Variants in GLYR1 observed in about 807,000 individuals in gnomAD.
GLYR1 encodes glyoxylate reductase 1 homolog.
A neutral mutation model predicts 72.7 loss-of-function variants in GLYR1; 21 were observed. That is an observed-to-expected ratio of 0.29 (90% CI 0.20 to 0.42). The LOEUF is 0.42. Among genes scored for constraint, GLYR1 ranks in the 10% least tolerant of loss-of-function variants. GLYR1 has a pLI of 1.00. For missense variants in GLYR1, 594 were observed against 712.1 expected, an observed-to-expected ratio of 0.83 and a Z score of 1.89; for synonymous variants, 392 against 270.2, an observed-to-expected ratio of 1.45 and a Z score of -4.42.
At chr16:4,826,097 G>C (rs1277320114) in intron 5 of GLYR1, among the ~76,000 whole-genome samples, 1 of 151,490 alleles carries the variant, frequency 6.6e-6, no homozygotes. Context: ...ACCCAGGCTG[G>C]AGTGCAGTGA....
chr16:4,814,708 G>C (rs371343734), intron 10 of GLYR1, 61 bp from the exon 11 acceptor site: 6 of 1,330,204 alleles, frequency 4.5e-6, no homozygotes, highest in Non-Finnish European at 5.3e-6. Context: ...ATGCCAGCCA[G>C]GCCAGAGAAT....
chr16:4,823,966 G>T, intron 5 of GLYR1, 59 bp from the exon 6 acceptor site: 1 of 1,364,162 alleles, frequency 7.3e-7, no homozygotes, highest in Non-Finnish European at 1.0e-6. Context: ...AAAACCCCTT[G>T]CAAGCTCCAC....
At chr16:4,811,442 C>A in intron 14 of GLYR1, 148 bp from the exon 15 acceptor site, 5 of 1,265,250 alleles carry the variant, frequency 4.0e-6, no homozygotes, top group Non-Finnish European at 3.3e-6. Context: ...CCCTTAGACA[C>A]CTGAGGGCTG....
At chr16:4,819,964 T>G (rs1190905039) in intron 9 of GLYR1, among the ~76,000 whole-genome samples, 2 of 152,178 alleles carry the variant, frequency 1.3e-5, no homozygotes, top group Non-Finnish European at 2.9e-5. Flanking sequence ...CTTTCCTTTC[T>G]TGGTGTTCTA....
In GLYR1 at chr16:4,804,930, A is replaced by C. The variant is rs894796506; in HGVS notation, c.*306T>G. The stretch of plus-strand genomic sequence containing the variant: ...TGGGCAGCTTCTATCCTGGGGCGAG[A>C]GCCTGTGTGTGTGTGTGTGTGTGTG... On this transcript the variant is annotated 3_prime_UTR_variant, in exon 16 of 16. Coordinates refer to ENST00000321919, the MANE Select transcript of GLYR1 (RefSeq NM_032569.4). 1 of 317,546 alleles carries C rather than the reference A, an allele frequency of 3.1e-6. No homozygotes were observed. Among genetic ancestry groups the C allele is most frequent in the Non-Finnish European group, 5.8e-6 (1 of 170,976 alleles). 19.7% of individuals were successfully genotyped at this position (317,546 alleles called of 1,614,324 possible). A position where few individuals can be genotyped will look rare whatever the true frequency, so the allele number is the denominator to read the frequency against.
At chr16:4,845,488 C>T (rs1326230937) in intron 2 of GLYR1, among the ~76,000 whole-genome samples, 1 of 152,038 alleles carries the variant, frequency 6.6e-6, no homozygotes, top group East Asian at 1.9e-4. Flanking sequence ...ATCCCCTGCC[C>T]CCCACCACCC....
rs57083076 is a variant in GLYR1, at chr16:4,825,346, T to TC, written c.538-1440dup. Among the ~76,000 whole-genome samples the TC allele has an allele frequency of 7.1e-3, 1,075 of 151,976 alleles. 9 individuals are homozygous for TC. Among genetic ancestry groups the TC allele is most frequent in the African/African-American group, 0.024 (1,014 of 41,424 alleles). On this transcript the variant is annotated intron_variant, in intron 5 of 15. Transcript: ENST00000321919. Reference sequence around the variant, plus strand: ...TAGCTCGTTAGCACCCTGCTGGCTTTCCCCCCCGCACCAAACACACCAAGC... The same window carrying TC: ...TAGCTCGTTAGCACCCTGCTGGCTTTCCCCCCCCGCACCAAACACACCAAGC...
intron 15 of GLYR1, among the ~76,000 whole-genome samples, chr16:4,809,188 G>GTTT (rs1263215689): frequency 1.8e-4 from 17 of 95,282 alleles, no homozygotes; most frequent in African/African-American, 2.9e-4. Context: ...AGCAGCTTTC[G>GTTT]TTTTTTTTTT....
intron 7 of GLYR1, 26 bp downstream of exon 7, chr16:4,822,849 G>A (rs1293692931): frequency 6.2e-7 from 1 of 1,607,642 alleles, no homozygotes; most frequent in Admixed American, 1.7e-5. Context: ...CCTGACCAAG[G>A]GCCAAGAGCC....
intron 3 of GLYR1, among the ~76,000 whole-genome samples, chr16:4,834,463 C>CG (rs1455718754): frequency 6.8e-6 from 1 of 146,278 alleles, no homozygotes; most frequent in African/African-American, 2.5e-5. Flanking sequence ...CACACCTGGC[C>CG]TTTTTTTTTT....
At chr16:4,842,231 G>A (rs560099424) in intron 3 of GLYR1, among the ~76,000 whole-genome samples, 10 of 149,094 alleles carry the variant, frequency 6.7e-5, no homozygotes, top group African/African-American at 2.2e-4. Flanking sequence ...GCGACAGAGC[G>A]AGACTCCGTT....
Position 4,803,862 on chromosome 16 carries a change from C to G in GLYR1, c.*1374G>C, listed in dbSNP as rs911478855. The stretch of plus-strand genomic sequence containing the variant: ...CAAATTATGATTTTGGAAAATCCAA[C>G]CCATGCAGAGGGATAAAAAACTGAC... On this transcript the variant is annotated 3_prime_UTR_variant, in exon 16 of 16. Transcript: ENST00000321919. 2.6e-5 allele frequency: 4 copies of G among 152,250 alleles called. No individual in the cohort carries two copies. The highest frequency in any genetic ancestry group is 2.9e-5 in the Non-Finnish European group (2 of 68,050). The allele number at this position is 152,250 out of a possible 1,614,324, so 9.4% of individuals were successfully genotyped here. A position where few individuals can be genotyped will look rare whatever the true frequency, so the allele number is the denominator to read the frequency against.
intron 15 of GLYR1, among the ~76,000 whole-genome samples, chr16:4,806,593 CCTGGGCTTGCTTAAGCCTCGA>C (rs1158027605): frequency 1.3e-5 from 2 of 151,526 alleles, no homozygotes; most frequent in African/African-American, 2.4e-5. Context: ...GTCTCAAACT[CCTGGGCTTGCTTAAGCCTCGA>C]CCCTGCCTCG....
Position 4,847,216 on chromosome 16 carries a change from G to C in GLYR1, c.38+12C>G, listed in dbSNP as rs1300150174. On this transcript the variant is annotated intron_variant, in intron 1 of 15. Coordinates refer to ENST00000321919, the MANE Select transcript of GLYR1 (RefSeq NM_032569.4). The stretch of plus-strand genomic sequence containing the variant: ...CCGGCGCGTCTCGGTTGGCCCGGCC[G>C]CTCGGACTCACCACACCAAGTCGCC... The C allele has an allele frequency of 6.2e-7, 1 of 1,601,352 alleles. No individual in the cohort carries two copies. Among genetic ancestry groups the C allele is most frequent in the Non-Finnish European group, 8.5e-7 (1 of 1,175,284 alleles).
intron 5 of GLYR1, among the ~76,000 whole-genome samples, chr16:4,824,326 A>G (rs575323187): frequency 1.3e-5 from 2 of 152,130 alleles, no homozygotes; most frequent in Admixed American, 6.6e-5. Context: ...CAGCCTGGCC[A>G]ACACGGTGAA....
chr16:4,832,143 C>G lies in GLYR1; in HGVS notation c.373G>C (p.Glu125Gln), dbSNP rs986140652. Residue 125 changes from glutamate to glutamine, a missense_variant, in exon 5 of 16, where the codon GAG (glutamate) becomes CAG (glutamine). By Grantham distance (29) the Glu-to-Gln change is conservative (BLOSUM62 2). Around this residue, in one of 5 missense-constraint regions of GLYR1, gnomAD observed 252 missense variants for 211.3 expected, o/e 1.19. Coordinates refer to ENST00000321919, the MANE Select transcript of GLYR1 (RefSeq NM_032569.4). ...EERSRPNSGD[E>Q]KRKLSLSEGK... ...TCAGACAGGCTAAGTTTGCGCTTCT[C>G]ATCACCTGAGTTTGGCCTACTTCTC... The G allele has an allele frequency of 6.2e-7, 1 of 1,614,224 alleles. No individual in the cohort carries two copies. Among genetic ancestry groups the G allele is most frequent in the African/African-American group, 1.3e-5 (1 of 75,058 alleles).
chr16:4,833,026 A>G (rs1009570256), intron 3 of GLYR1, 114 bp from the exon 4 acceptor site: 10 of 935,052 alleles, frequency 1.1e-5, no homozygotes, highest in Non-Finnish European at 1.4e-5. Context: ...GGACTTTGCA[A>G]TAGGCCTTGC....
chr16:4,824,133 G>C (rs1363494080), intron 5 of GLYR1, among the ~76,000 whole-genome samples: 1 of 152,200 alleles, frequency 6.6e-6, no homozygotes, highest in African/African-American at 2.4e-5. Context: ...CACAAAGATG[G>C]AGGTAATTAG....
intron 3 of GLYR1, among the ~76,000 whole-genome samples, chr16:4,833,886 G>T (rs2084952857): frequency 1.3e-5 from 2 of 152,160 alleles, no homozygotes; most frequent in South Asian, 4.1e-4. Flanking sequence ...AATTTTATAG[G>T]CTTTACAAGG....
Sources: allele counts gnomAD v4.1 joint callset (sites outside exome capture counted in the v4.1 genomes callset), GRCh38; gene constraint gnomAD v4.1.1; regional missense constraint gnomAD v4.1.1; transcripts MANE v1.5; gene names NCBI Gene and HGNC (gene_info 2026-07-23, HGNC 2026-07-21).